The following TTC23L variants were observed in gnomAD, a reference collection of about 807,000 sequenced individuals.
TTC23L encodes the protein tetratricopeptide repeat protein 23-like.
A neutral mutation model predicts 48.1 loss-of-function variants in TTC23L; 42 were observed. The ratio of observed to expected loss-of-function variants is 0.87; its 90% CI spans 0.68 to 1.13. The LOEUF (loss-of-function observed/expected upper bound fraction) is 1.13, where lower values mean the gene tolerates loss of function less well. Among genes scored for constraint, TTC23L ranks in the 50% most tolerant of loss-of-function variants. The pLI, the probability that TTC23L is intolerant of heterozygous loss-of-function variation, is 0.00. For missense variants in TTC23L, 391 were observed against 421.0 expected (o/e 0.93, Z 0.62); for synonymous variants, 159 against 157.2 (o/e 1.01, Z -0.09).
the TTC23L span, chr5:34,916,056 TTGC>T: frequency 1.2e-6 from 1 of 824,126 alleles, no homozygotes; most frequent in East Asian, 3.1e-5. Context: ...GGCACGGAGT[TTGC>T]AGCTAATCCT....
intron 9 of TTC23L, among the ~76,000 whole-genome samples, chr5:34,894,812 TA>T (rs1476091168): frequency 6.6e-6 from 1 of 152,138 alleles, no homozygotes; most frequent in Non-Finnish European, 1.5e-5. Flanking sequence ...ATAAATAAGT[TA>T]ATGTAAGTAA....
chr5:34,853,714 A>G (rs1348538104), intron 4 of TTC23L, among the ~76,000 whole-genome samples: 1 of 152,186 alleles, frequency 6.6e-6, no homozygotes, highest in African/African-American at 2.4e-5. Context: ...AACAGTTCAG[A>G]TGGTAGAGGA....
downstream of TTC23L, among the ~76,000 whole-genome samples, chr5:34,900,284 A>C (rs917613960): frequency 6.6e-6 from 1 of 152,212 alleles, no homozygotes; most frequent in Admixed American, 6.5e-5. Context: ...TGTTATATGT[A>C]TAGTATATAA....
At chr5:34,847,558 A>C (rs1759316403) in intron 3 of TTC23L, among the ~76,000 whole-genome samples, 1 of 152,008 alleles carries the variant, frequency 6.6e-6, no homozygotes, top group African/African-American at 2.4e-5. Flanking sequence ...CATCAGCAGC[A>C]GAAGTGCTGG....
At chr5:34,892,915 T>A (rs1445382312) in intron 9 of TTC23L, among the ~76,000 whole-genome samples, 1 of 152,146 alleles carries the variant, frequency 6.6e-6, no homozygotes, top group Admixed American at 6.6e-5. Flanking sequence ...TGGGATTTAT[T>A]TAGTAGACAG....
chr5:34,920,916 G>A, the TTC23L span: 1 of 152,232 alleles, frequency 6.6e-6, no homozygotes, highest in East Asian at 1.9e-4. Flanking sequence ...CCAGGCTGGA[G>A]TGAAGTGGTA....
At chr5:34,899,479 G>A (rs1389319927), downstream of TTC23L, 2 of 152,568 alleles carry the variant, frequency 1.3e-5, no homozygotes, top group Non-Finnish European at 2.9e-5. Flanking sequence ...ACCACAAAAT[G>A]TTTCTCAACA....
the TTC23L span, chr5:34,913,611 T>G: frequency 1.5e-6 from 2 of 1,328,944 alleles, no homozygotes; most frequent in Admixed American, 2.1e-5. Flanking sequence ...AATTGTTACA[T>G]AAAAGAATAA....
chr5:34,848,778 AGG>A (rs1342195142), intron 3 of TTC23L, among the ~76,000 whole-genome samples: 1 of 152,140 alleles, frequency 6.6e-6, no homozygotes. Flanking sequence ...GTAGGAGGAA[AGG>A]GTGGTAGAAA....
chr5:34,915,635 CG>C, the TTC23L span: 1 of 1,378,422 alleles, frequency 7.3e-7, no homozygotes, highest in Non-Finnish European at 9.6e-7. Flanking sequence ...ACCTGGAGGA[CG>C]ACCGCGGAGC....
chr5:34,840,870 A>C (rs1758605481), intron 2 of TTC23L, 131 bp downstream of exon 2: 2 of 822,436 alleles, frequency 2.4e-6, no homozygotes, highest in South Asian at 2.9e-5. Context: ...AACATGGTGA[A>C]ACCCCGTCTC....
exon 11 of TTC23L, chr5:34,899,426 T>C (rs915801812): frequency 3.3e-5 from 5 of 152,650 alleles, no homozygotes; most frequent in African/African-American, 1.2e-4. Context: ...CTATACAGGA[T>C]AGCCAACAAT....
chr5:34,854,241 T>G (rs1166216206), intron 4 of TTC23L, among the ~76,000 whole-genome samples: 1 of 152,152 alleles, frequency 6.6e-6, no homozygotes, highest in Non-Finnish European at 1.5e-5. Flanking sequence ...GAGACTTTTT[T>G]GTTTGTTTTT....
At chr5:34,913,433 A>G in the TTC23L span, 14 of 1,275,316 alleles carry the variant, frequency 1.1e-5, no homozygotes, top group East Asian at 9.4e-5. Flanking sequence ...ACCACTATGT[A>G]TAACACTTTT....
chr5:34,896,672 T>G, intron 9 of TTC23L, 98 bp from the exon 10 acceptor site: 5 of 721,648 alleles, frequency 6.9e-6, no homozygotes, highest in South Asian at 1.5e-5. Flanking sequence ...GAAATTTAAG[T>G]TCTGGAATAG....
chr5:34,915,820 C>T, the TTC23L span: 1 of 1,576,860 alleles, frequency 6.3e-7, no homozygotes, highest in Non-Finnish European at 8.6e-7. Context: ...AGATGCGGAG[C>T]CGCCAGCTAA....
intron 4 of TTC23L, among the ~76,000 whole-genome samples, chr5:34,850,539 CATT>C (rs1759591922): frequency 6.6e-6 from 1 of 152,190 alleles, no homozygotes; most frequent in Non-Finnish European, 1.5e-5. Context: ...AAACTGGTCT[CATT>C]AGTCCTCACA....
chr5:34,923,950 C>G, the TTC23L span, among the ~76,000 whole-genome samples: 1 of 152,090 alleles, frequency 6.6e-6, no homozygotes, highest in East Asian at 1.9e-4. Flanking sequence ...ACTTGAAGAT[C>G]CATGAGATAC....
chr5:34,896,491 G>A (rs1235820483), intron 9 of TTC23L, among the ~76,000 whole-genome samples: 2 of 152,148 alleles, frequency 1.3e-5, no homozygotes, highest in East Asian at 3.9e-4. Context: ...TAAACATTGA[G>A]TCTCAGTTTC....
Sources: allele counts gnomAD v4.1 joint callset (sites outside exome capture counted in the v4.1 genomes callset), GRCh38; gene constraint gnomAD v4.1.1; transcripts MANE v1.5; gene names NCBI Gene and HGNC (gene_info 2026-07-23, HGNC 2026-07-21).